Variants in ITGA8 observed in about 807,000 individuals in gnomAD.
ITGA8 encodes integrin subunit alpha 8.
Under a neutral mutation model 142.3 loss-of-function variants are expected in ITGA8, and 91 were observed. The observed-to-expected ratio is 0.64, with a 90% confidence interval of 0.54 to 0.76. The LOEUF (loss-of-function observed/expected upper bound fraction) is 0.76, where lower values mean the gene tolerates loss of function less well. ITGA8 is among the 30% of genes least tolerant of loss of function. The pLI is 0.00. For missense variants in ITGA8, 1,406 were observed against 1,327.7 expected (o/e 1.06, Z -0.92); for synonymous variants, 505 against 485.2 (o/e 1.04, Z -0.54).
chr10:15,688,961 C>G (rs1834883054), intron 2 of ITGA8, among the ~76,000 whole-genome samples: 1 of 152,176 alleles, frequency 6.6e-6, no homozygotes, highest in African/African-American at 2.4e-5. Flanking sequence ...TCCCCACTTC[C>G]ATTCAACATA....
Position 15,527,906 on chromosome 10 carries a change from C to CTTTTTTT in ITGA8, c.2982+3137_2982+3143dup, listed in dbSNP as rs34758919. 7.4e-4 allele frequency among the ~76,000 whole-genome samples: 58 copies of CTTTTTTT among 78,060 alleles called. 27 individuals carry two copies. The highest frequency in any genetic ancestry group is 1.2e-3 in the African/African-American group (23 of 19,014). 51.2% of individuals were successfully genotyped at this position (78,060 alleles called of 152,430 possible). On this transcript the variant is annotated intron_variant, in intron 28 of 29. Transcript: ENST00000378076. ...TTAAAGCAATTCCCTTTCGGCTGGG[C>CTTTTTTT]TTTTTTTTTTTTTTTTTTTTTTTTT...
intron 29 of ITGA8, among the ~76,000 whole-genome samples, chr10:15,518,024 G>C (rs948269112): frequency 2.0e-5 from 3 of 152,212 alleles, no homozygotes; most frequent in Non-Finnish European, 4.4e-5. Flanking sequence ...GGAACATAGA[G>C]CATATATAGA....
intron 13 of ITGA8, among the ~76,000 whole-genome samples, chr10:15,628,546 A>G (rs1366364418): frequency 6.6e-6 from 1 of 151,560 alleles, no homozygotes; most frequent in East Asian, 1.9e-4. Flanking sequence ...GTCAGCCAGG[A>G]TGGTCTTGAT....
intron 25 of ITGA8, among the ~76,000 whole-genome samples, chr10:15,561,939 C>T (rs1833990623): frequency 6.6e-6 from 1 of 152,176 alleles, no homozygotes; most frequent in Non-Finnish European, 1.5e-5. Context: ...AAGGTACCTT[C>T]TTCACAAGGT....
chr10:15,534,980 G>T (rs796735430), intron 27 of ITGA8, among the ~76,000 whole-genome samples: 1 of 152,198 alleles, frequency 6.6e-6, no homozygotes, highest in Non-Finnish European at 1.5e-5. Flanking sequence ...GAGAGGCACG[G>T]GGGGAGAGGC....
intron 27 of ITGA8, among the ~76,000 whole-genome samples, chr10:15,541,846 T>A (rs1408981599): frequency 1.3e-5 from 2 of 152,158 alleles, no homozygotes; most frequent in Non-Finnish European, 2.9e-5. Context: ...CAATATTTTA[T>A]TCACTTAGCA....
intron 13 of ITGA8, among the ~76,000 whole-genome samples, chr10:15,626,128 TGG>T (rs1833577378): frequency 6.6e-6 from 1 of 152,238 alleles, no homozygotes; most frequent in East Asian, 1.9e-4. Flanking sequence ...ATGTCACACC[TGG>T]TCCAACCAAT....
intron 25 of ITGA8, among the ~76,000 whole-genome samples, chr10:15,567,286 A>G (rs1834097835): frequency 2.0e-5 from 3 of 152,202 alleles, no homozygotes; most frequent in Non-Finnish European, 2.9e-5. Context: ...AGGACTCTCC[A>G]AACCCTAGGA....
chr10:15,690,604 C>T (rs1834916637), intron 2 of ITGA8, among the ~76,000 whole-genome samples: 1 of 152,198 alleles, frequency 6.6e-6, no homozygotes, highest in Non-Finnish European at 1.5e-5. Flanking sequence ...ACATAGCACC[C>T]CGTGGCTGCC....
Position 15,697,046 on chromosome 10 carries a change from A to AACACACAC in ITGA8, c.344-9016_344-9009dup, listed in dbSNP as rs1491456295. 5.3e-3 allele frequency among the ~76,000 whole-genome samples: 782 copies of AACACACAC among 146,768 alleles called. 1 individual carries two copies. The highest frequency in any genetic ancestry group is 0.017 in the Middle Eastern group (5 of 286). On this transcript the variant is annotated intron_variant, in intron 2 of 29. Coordinates refer to ENST00000378076, the MANE Select transcript of ITGA8 (RefSeq NM_003638.3). ...AGAGTAAGTACTCTCTTGTCTCTAA[A>AACACACAC]ACACACACACACACACACACAAGAA...
At chr10:15,649,370 C>T (rs1015903890) in intron 11 of ITGA8, among the ~76,000 whole-genome samples, 1 of 151,808 alleles carries the variant, frequency 6.6e-6, no homozygotes, top group African/African-American at 2.4e-5. Flanking sequence ...GTGGCTCATG[C>T]CTGTGATCCC....
chr10:15,583,096 A>G (rs942915365), intron 23 of ITGA8, among the ~76,000 whole-genome samples: 1 of 152,248 alleles, frequency 6.6e-6, no homozygotes, highest in African/African-American at 2.4e-5. Context: ...CCATCATAGC[A>G]AAGACTTGGA....
At chr10:15,551,456 G>A (rs1833791928) in intron 26 of ITGA8, among the ~76,000 whole-genome samples, 1 of 152,052 alleles carries the variant, frequency 6.6e-6, no homozygotes. Flanking sequence ...AAATGCTGGA[G>A]AGGCATCAAG....
Position 15,606,853 on chromosome 10 carries a change from C to G in ITGA8, c.1765-431G>C, listed in dbSNP as rs146850807. ...AAGAAAACATCTTGATTCTCTTCCT[C>G]TCATCATCTTTTTAAGCCCTTGCCT... is the stretch of plus-strand genomic sequence containing the variant. On this transcript the variant is annotated intron_variant, in intron 17 of 29. Transcript: ENST00000378076. Among the ~76,000 whole-genome samples the G allele has an allele frequency of 5.7e-3, 872 of 152,286 alleles. 3 individuals carry two copies. The highest frequency in any genetic ancestry group is 0.01 in the Middle Eastern group (3 of 294).
intron 13 of ITGA8, among the ~76,000 whole-genome samples, chr10:15,624,884 A>G (rs1456041976): frequency 6.6e-6 from 1 of 152,172 alleles, no homozygotes; most frequent in Non-Finnish European, 1.5e-5. Flanking sequence ...TCCACTTGTG[A>G]GTGGGCTATG....
At position 15,605,735 on chromosome 10, in the gene ITGA8, C is replaced by T. The variant is rs1304119786; in HGVS notation, c.1959G>A (p.Leu653=). ...EDNLCVPDLK[L]SARPDKHQVI... ...TTATTTAAACTTACGGTCTAGCCGA[C>T]AGCTTCAAGTCAGGAACACACAGAT... The change falls in exon 19 of 30, where the codon CTG becomes CTA. Residue 653 remains leucine (L), a synonymous_variant. Transcript: ENST00000378076. The T allele has an allele frequency of 1.9e-6, 3 of 1,612,998 alleles. No homozygotes were observed. The highest frequency in any genetic ancestry group is 2.5e-6 in the Non-Finnish European group (3 of 1,179,172).
chr10:15,546,885 A>G (rs967205791), intron 27 of ITGA8, among the ~76,000 whole-genome samples: 1 of 151,964 alleles, frequency 6.6e-6, no homozygotes, highest in Non-Finnish European at 1.5e-5. Flanking sequence ...GGGAAGGGAA[A>G]GGAAGAAAGG....
At chr10:15,705,887 C>T (rs934996375) in intron 2 of ITGA8, among the ~76,000 whole-genome samples, 1 of 152,132 alleles carries the variant, frequency 6.6e-6, no homozygotes, top group Non-Finnish European at 1.5e-5. Context: ...CTCAAATCCC[C>T]GGTATTTCTG....
chr10:15,665,767 A>C (rs1480627805), intron 8 of ITGA8, among the ~76,000 whole-genome samples: 6 of 152,228 alleles, frequency 3.9e-5, no homozygotes, highest in African/African-American at 1.2e-4. Context: ...CATTTATTAA[A>C]TAGGGAATCC....
Sources: gnomAD v4.1 joint callset for allele counts (sites outside exome capture counted in the v4.1 genomes callset) on GRCh38, gnomAD v4.1.1 for gene constraint, MANE v1.5 for transcripts, NCBI Gene and HGNC (gene_info 2026-07-23, HGNC 2026-07-21) for gene names.